Variants in PAFAH1B1 observed in about 807,000 individuals in gnomAD.
The protein encoded by PAFAH1B1 is platelet-activating factor acetylhydrolase IB subunit beta.
Under a neutral mutation model 57.5 loss-of-function variants are expected in PAFAH1B1, and 2 were observed. That is an observed-to-expected ratio of 0.03 (90% CI 0.01 to 0.11). The LOEUF (loss-of-function observed/expected upper bound fraction) is 0.11, where lower values mean the gene tolerates loss of function less well. Among genes scored for constraint, PAFAH1B1 ranks in the 10% least tolerant of loss-of-function variants. The pLI is 1.00. For missense variants in PAFAH1B1, 257 were observed against 512.0 expected, an observed-to-expected ratio of 0.50 and a Z score of 4.81; for synonymous variants, 152 against 169.6, an observed-to-expected ratio of 0.90 and a Z score of 0.81.
At chr17:2,637,699 G>A (rs976648199) in intron 1 of PAFAH1B1, among the ~76,000 whole-genome samples, 4 of 152,140 alleles carry the variant, frequency 2.6e-5, no homozygotes, top group Non-Finnish European at 5.9e-5. Context: ...GGCACTGTTC[G>A]GCTTGTGCAG....
At chr17:2,641,263 A>G (rs567309451) in intron 2 of PAFAH1B1, 3 of 152,328 alleles carry the variant, frequency 2.0e-5, no homozygotes, top group Admixed American at 2.0e-4. Context: ...GGTTCAAGCG[A>G]TTCTCCTGCC....
intron 2 of PAFAH1B1, among the ~76,000 whole-genome samples, chr17:2,645,696 C>T (rs1056645635): frequency 6.6e-6 from 1 of 151,186 alleles, no homozygotes; most frequent in Non-Finnish European, 1.5e-5. Context: ...TCACTGCAAC[C>T]TCCACCTCTT....
intron 1 of PAFAH1B1, among the ~76,000 whole-genome samples, chr17:2,605,885 T>G (rs2068199979): frequency 6.6e-6 from 1 of 152,186 alleles, no homozygotes; most frequent in African/African-American, 2.4e-5. Context: ...TGATGATGAT[T>G]AAGATGAGGT....
At chr17:2,632,701 A>T (rs2068570516) in intron 1 of PAFAH1B1, among the ~76,000 whole-genome samples, 1 of 152,228 alleles carries the variant, frequency 6.6e-6, no homozygotes, top group African/African-American at 2.4e-5. Flanking sequence ...ACATTATAAC[A>T]ACTATTTACA....
chr17:2,636,785 G>A (rs1413887787), intron 1 of PAFAH1B1, among the ~76,000 whole-genome samples: 1 of 152,064 alleles, frequency 6.6e-6, no homozygotes, highest in African/African-American at 2.4e-5. Context: ...AGGCTGGAGT[G>A]CAATGGCATG....
At chr17:2,662,378 TTGTGTGTGTGTGTGTGTG>T (rs57918293) in intron 2 of PAFAH1B1, among the ~76,000 whole-genome samples, 19 of 123,780 alleles carry the variant, frequency 1.5e-4, no homozygotes, top group South Asian at 3.2e-4. Context: ...TTTAACCTCT[TTGTGTGTGTGTGTGTGTG>T]TGTGTGTGTG....
chr17:2,633,810 C>T (rs754332362), intron 1 of PAFAH1B1, among the ~76,000 whole-genome samples: 1 of 152,212 alleles, frequency 6.6e-6, no homozygotes, highest in South Asian at 2.1e-4. Context: ...GAGACATACT[C>T]TCTCCTCTTT....
Position 2,645,146 on chromosome 17 carries a change from C to T in PAFAH1B1, c.32+6826C>T, listed in dbSNP as rs528520943. ...CCTGTAATCCCGGCTACTCAGCTGG[C>T]TGAGGCAAGAGGATTGCTTGACCTT... On this transcript the variant is annotated intron_variant, in intron 2 of 10. Coordinates refer to ENST00000397195, the MANE Select transcript of PAFAH1B1 (RefSeq NM_000430.4). Among the ~76,000 whole-genome samples, 16 of 152,224 alleles carry T rather than the reference C, an allele frequency of 1.1e-4. No homozygotes were observed. In the East Asian group the frequency reaches 3.1e-3, roughly 29 times the overall value.
At chr17:2,676,710 T>A in intron 9 of PAFAH1B1, 104 bp downstream of exon 9, 1 of 769,118 alleles carries the variant, frequency 1.3e-6, no homozygotes. Flanking sequence ...TTCTGGGCTT[T>A]AAAATAACTT....
At chr17:2,659,593 G>C (rs932966332) in intron 2 of PAFAH1B1, 2 of 162,708 alleles carry the variant, frequency 1.2e-5, no homozygotes, top group Admixed American at 6.5e-5. Context: ...AGCACTGGGA[G>C]GCCAAGGCAG....
chr17:2,618,677 C>T (rs900463361), intron 1 of PAFAH1B1, among the ~76,000 whole-genome samples: 17 of 151,602 alleles, frequency 1.1e-4, no homozygotes, highest in African/African-American at 3.4e-4. Flanking sequence ...GACAGAGTTT[C>T]GCTCTTGTTG....
intron 1 of PAFAH1B1, among the ~76,000 whole-genome samples, chr17:2,623,774 A>AGCTGGGATCCCAGCCATG (rs1368419263): frequency 6.9e-5 from 10 of 145,238 alleles, no homozygotes; most frequent in Non-Finnish European, 1.1e-4. Flanking sequence ...TCCCAGCCAC[A>AGCTGGGATCCCAGCCATG]GTAGCTGGGA....
At chr17:2,669,525 C>T (rs1372410397) in intron 5 of PAFAH1B1, among the ~76,000 whole-genome samples, 1 of 152,168 alleles carries the variant, frequency 6.6e-6, no homozygotes, top group Non-Finnish European at 1.5e-5. Flanking sequence ...TTCCTAAGTG[C>T]TGGGATTACA....
chr17:2,681,343 C>T (rs1045795181), intron 10 of PAFAH1B1: 66 of 160,502 alleles, frequency 4.1e-4, no homozygotes, highest in Non-Finnish European at 9.5e-5. Context: ...TCTCAACTTC[C>T]CTAACTGAAT....
At chr17:2,657,446 G>GTT (rs1465951843) in intron 2 of PAFAH1B1, among the ~76,000 whole-genome samples, 4 of 152,222 alleles carry the variant, frequency 2.6e-5, no homozygotes, top group African/African-American at 7.2e-5. Context: ...GTTTCACCAT[G>GTT]TTGGCCAGGC....
In PAFAH1B1 at chr17:2,666,040, G is replaced by T; in HGVS notation, c.142G>T (p.Ala48Ser). ...DVNEELDKKY[A>S]GLLEKKWTSV... The stretch of plus-strand genomic sequence containing the variant: ...GAATGAAGAATTAGATAAAAAGTAT[G>T]CTGGTCTTTTGGAAAAAAAATGGAC... The change falls in exon 4 of 11, where the codon GCT becomes TCT. Residue 48 changes from alanine (A) to serine (S), a missense_variant. Physicochemically the swap from Ala to Ser is moderately conservative, Grantham distance 99 (BLOSUM62 1). Transcript: ENST00000397195. 1 of 1,521,658 alleles carries T rather than the reference G, an allele frequency of 6.6e-7. No homozygotes were observed. The highest frequency in any genetic ancestry group is 9.0e-7 in the Non-Finnish European group (1 of 1,113,226). 94.3% of individuals were successfully genotyped at this position (1,521,658 alleles called of 1,614,324 possible).
rs2068647888 is a variant in PAFAH1B1, at chr17:2,638,198, T to C, written c.-91T>C. ...GTGTGGAAGACACTTAGTGGCATAT[T>C]TAAATTATAAGTCCACGGATCAAAA... On this transcript the variant is annotated 5_prime_UTR_variant, in exon 2 of 11. Coordinates refer to ENST00000397195, the MANE Select transcript of PAFAH1B1 (RefSeq NM_000430.4). The C allele has an allele frequency of 3.9e-6, 4 of 1,017,490 alleles. No individual in the cohort carries two copies. The highest frequency in any genetic ancestry group is 6.1e-6 in the Non-Finnish European group (4 of 657,088). 63.0% of individuals were successfully genotyped at this position (1,017,490 alleles called of 1,614,324 possible).
At chr17:2,650,622 A>G (rs1195972862) in intron 2 of PAFAH1B1, among the ~76,000 whole-genome samples, 1 of 143,852 alleles carries the variant, frequency 7.0e-6, no homozygotes, top group Non-Finnish European at 1.5e-5. Flanking sequence ...CCTGGGTGAC[A>G]GAGCAAGACT....
At chr17:2,664,665 G>GCGCCCTCTCT in intron 2 of PAFAH1B1, among the ~76,000 whole-genome samples, 1 of 86,028 alleles carries the variant, frequency 1.2e-5, no homozygotes, top group Non-Finnish European at 2.6e-5. Flanking sequence ...TCTATCTATC[G>GCGCCCTCTCT]CTCTCTCTCT....
Sources: allele counts gnomAD v4.1 joint callset (sites outside exome capture counted in the v4.1 genomes callset), GRCh38; gene constraint gnomAD v4.1.1; transcripts MANE v1.5; gene names NCBI Gene and HGNC (gene_info 2026-07-23, HGNC 2026-07-21).